Variants in HORMAD2 observed in about 807,000 individuals in gnomAD.
The protein encoded by HORMAD2 is HORMA domain-containing protein 2.
HORMAD2 carries 45 observed loss-of-function variants against 38.8 expected under a neutral mutation model. The observed-to-expected ratio is 1.16, with a 90% confidence interval of 0.91 to 1.49. HORMAD2 has a LOEUF of 1.49. Ranked by LOEUF, HORMAD2 falls within the 40% of genes most tolerant of loss-of-function variation. The pLI is 0.00. For synonymous variants in HORMAD2, 126 were observed against 122.8 expected (o/e 1.03, Z -0.17); for missense variants, 338 against 367.0 (o/e 0.92, Z 0.65).
intron 10 of HORMAD2, among the ~76,000 whole-genome samples, chr22:30,161,777 T>A (rs1191750598): frequency 6.6e-6 from 1 of 152,168 alleles, no homozygotes; most frequent in Admixed American, 6.5e-5. Flanking sequence ...AAAAGATTTT[T>A]ACACTAACAT....
intron 2 of HORMAD2, among the ~76,000 whole-genome samples, chr22:30,097,090 T>C (rs1030114555): frequency 5.3e-5 from 8 of 152,226 alleles, no homozygotes; most frequent in African/African-American, 1.9e-4. Flanking sequence ...TATTTTGTGC[T>C]TGGCTTAAAG....
At chr22:30,118,607 G>A (rs933649846) in intron 7 of HORMAD2, among the ~76,000 whole-genome samples, 3 of 152,142 alleles carry the variant, frequency 2.0e-5, no homozygotes, top group Admixed American at 6.5e-5. Context: ...CTTGTTCACC[G>A]CTGTGACTCC....
chr22:30,101,037 G>A (rs974927095), intron 3 of HORMAD2, among the ~76,000 whole-genome samples: 1 of 152,170 alleles, frequency 6.6e-6, no homozygotes, highest in Non-Finnish European at 1.5e-5. Flanking sequence ...ATTCCTCAAG[G>A]ATATAGAACC....
chr22:30,191,108 T>C, the HORMAD2 span, among the ~76,000 whole-genome samples: 1 of 152,158 alleles, frequency 6.6e-6, no homozygotes, highest in Admixed American at 6.5e-5. Flanking sequence ...CTCTGAGAAG[T>C]TGATCTGGTG....
intron 10 of HORMAD2, among the ~76,000 whole-genome samples, chr22:30,140,845 T>A (rs890810683): frequency 6.6e-6 from 1 of 152,196 alleles, no homozygotes; most frequent in Non-Finnish European, 1.5e-5. Flanking sequence ...CTTTTTCCAG[T>A]GTCTTAAGGT....
intron 10 of HORMAD2, among the ~76,000 whole-genome samples, chr22:30,154,862 G>A (rs1233913463): frequency 2.6e-5 from 4 of 152,148 alleles, no homozygotes; most frequent in Admixed American, 1.3e-4. Flanking sequence ...GAGGCCAGGA[G>A]TTCAAGACCA....
chr22:30,094,680 C>A (rs2068751147), intron 2 of HORMAD2, among the ~76,000 whole-genome samples: 1 of 152,062 alleles, frequency 6.6e-6, no homozygotes, highest in South Asian at 2.1e-4. Flanking sequence ...TTAGAGATTT[C>A]ATGTGGACTG....
At chr22:30,187,692 G>A in the HORMAD2 span, among the ~76,000 whole-genome samples, 1 of 152,164 alleles carries the variant, frequency 6.6e-6, no homozygotes, top group Non-Finnish European at 1.5e-5. Flanking sequence ...ATGGAGTGGG[G>A]TAGAGGACTG....
chr22:30,202,078 A>G, the HORMAD2 span, among the ~76,000 whole-genome samples: 3 of 152,324 alleles, frequency 2.0e-5, no homozygotes, highest in African/African-American at 7.2e-5. Context: ...GATTAAGGCC[A>G]TTTACTAAGG....
chr22:30,088,319 A>G (rs1353154512), intron 1 of HORMAD2, among the ~76,000 whole-genome samples: 1 of 151,144 alleles, frequency 6.6e-6, no homozygotes, highest in Non-Finnish European at 1.5e-5. Flanking sequence ...ATATATGTAT[A>G]AAATTTAATT....
At chr22:30,181,105 G>A (rs1203460341), downstream of HORMAD2, among the ~76,000 whole-genome samples, 1 of 150,090 alleles carries the variant, frequency 6.7e-6, no homozygotes, top group African/African-American at 2.4e-5. Context: ...CAACTTCCCA[G>A]GCTCAAGCAA....
At chr22:30,130,569 C>CTTCA (rs1270615742) in intron 10 of HORMAD2, among the ~76,000 whole-genome samples, 1 of 142,810 alleles carries the variant, frequency 7.0e-6, no homozygotes, top group African/African-American at 2.6e-5. Flanking sequence ...CAGGACAGGT[C>CTTCA]TTCATTCTTT....
chr22:30,085,967 C>T (rs570086789), intron 1 of HORMAD2, among the ~76,000 whole-genome samples: 1 of 152,250 alleles, frequency 6.6e-6, no homozygotes, highest in African/African-American at 2.4e-5. Flanking sequence ...TTTACTAAGC[C>T]ATATGATATG....
chr22:30,110,471 T>G (rs909342053), intron 5 of HORMAD2, among the ~76,000 whole-genome samples: 1 of 150,526 alleles, frequency 6.6e-6, no homozygotes, highest in Non-Finnish European at 1.5e-5. Flanking sequence ...CTGCAACCTC[T>G]GCCTCCCAGG....
intron 10 of HORMAD2, 143 bp from the exon 11 acceptor site, chr22:30,175,920 G>A (rs1926427894): frequency 1.7e-6 from 1 of 587,522 alleles, no homozygotes; most frequent in East Asian, 2.9e-5. Context: ...CCTCTGTGCA[G>A]GGCCAAACCA....
intron 10 of HORMAD2, among the ~76,000 whole-genome samples, chr22:30,162,462 G>A (rs1032401190): frequency 1.8e-4 from 28 of 151,852 alleles, no homozygotes; most frequent in Admixed American, 3.9e-4. Flanking sequence ...TTGTGAGGAC[G>A]TACTACAAAA....
chr22:30,148,115 T>C (rs892147173), intron 10 of HORMAD2, among the ~76,000 whole-genome samples: 1 of 152,160 alleles, frequency 6.6e-6, no homozygotes, highest in African/African-American at 2.4e-5. Context: ...GGTGAAAGGA[T>C]CAGCAAATTG....
rs564296948 is a variant in HORMAD2, at chr22:30,119,409, G to A, written c.410+362G>A. Among the ~76,000 whole-genome samples the A allele has an allele frequency of 3.1e-4, 47 of 152,254 alleles. 1 individual carries two copies. Among genetic ancestry groups the A allele is most frequent in the Admixed American group, 3.0e-3 (46 of 15,290 alleles). On this transcript the variant is annotated intron_variant, in intron 8 of 10. Coordinates refer to ENST00000336726, the MANE Select transcript of HORMAD2 (RefSeq NM_152510.4). Reference sequence around the variant, plus strand: ...TCGATATAGCCAGCCTGTGCCTAGGGTAGATAATACCCTTGGACTATTTGC... The same window carrying A: ...TCGATATAGCCAGCCTGTGCCTAGGATAGATAATACCCTTGGACTATTTGC...
chr22:30,163,468 A>G (rs868595210), intron 10 of HORMAD2, among the ~76,000 whole-genome samples: 5 of 152,158 alleles, frequency 3.3e-5, no homozygotes, highest in Admixed American at 2.0e-4. Context: ...TCTGTTGCCC[A>G]GGCCACAGTG....
Sources: gnomAD v4.1 joint callset for allele counts (sites outside exome capture counted in the v4.1 genomes callset) on GRCh38, gnomAD v4.1.1 for gene constraint, MANE v1.5 for transcripts, NCBI Gene and HGNC (gene_info 2026-07-23, HGNC 2026-07-21) for gene names.